The following DNAI4 variants were observed in gnomAD, a reference collection of about 807,000 sequenced individuals.
The protein encoded by DNAI4 is WD repeat domain 78.
Under a neutral mutation model 105.8 loss-of-function variants are expected in DNAI4, and 85 were observed. The observed-to-expected ratio is 0.80, with a 90% CI of 0.67 to 0.96. The LOEUF (loss-of-function observed/expected upper bound fraction) is 0.96. DNAI4 is among the 40% of genes least tolerant of loss of function. The pLI is 0.00. For missense variants in DNAI4, 1,014 were observed against 1,005.6 expected (o/e 1.01, Z -0.11); for synonymous variants, 352 against 331.5 (o/e 1.06, Z -0.67).
intron 1 of DNAI4, among the ~76,000 whole-genome samples, chr1:66,915,155 T>C (rs1649974781): frequency 6.6e-6 from 1 of 152,232 alleles, no homozygotes; most frequent in African/African-American, 2.4e-5. Flanking sequence ...AAGACATTAA[T>C]ATTGGCTTAA....
intron 4 of DNAI4, among the ~76,000 whole-genome samples, chr1:66,885,876 C>G (rs531995600): frequency 6.6e-6 from 1 of 151,890 alleles, no homozygotes; most frequent in African/African-American, 2.4e-5. Context: ...GCTTGGTATT[C>G]TTTTTGTATC....
Position 66,924,810 on chromosome 1 carries a change from C to T in DNAI4, c.22G>A (p.Gly8Arg). Residue 8 changes from glycine (G) to arginine (R), a missense_variant, in exon 1 of 17, where the codon GGA becomes AGA. By Grantham distance (125) the Gly-to-Arg change is moderately radical. Transcript: ENST00000371026. ...CCGTTAGCGGCTCGGGCCGAGGCTC[C>T]GGAATGTTTGCCGGGCGTCATGGCG... MTPGKHS[G>R]ASARAANGGA... 2 of 1,614,064 alleles carry T rather than the reference C, an allele frequency of 1.2e-6. No homozygotes were observed. The highest frequency in any genetic ancestry group is 1.7e-6 in the Non-Finnish European group (2 of 1,179,994).
chr1:66,815,838 C>T (rs1192139280), intron 16 of DNAI4, among the ~76,000 whole-genome samples: 1 of 152,196 alleles, frequency 6.6e-6, no homozygotes, highest in Non-Finnish European at 1.5e-5. Context: ...CAATTGGAAG[C>T]CTTGGATCCC....
At chr1:66,823,112 T>C (rs1018130428) in intron 15 of DNAI4, among the ~76,000 whole-genome samples, 1 of 138,952 alleles carries the variant, frequency 7.2e-6, no homozygotes. Flanking sequence ...CCCGTGTCCA[T>C]GTGTTCTCAT....
chr1:66,827,928 G>T lies in DNAI4; in HGVS notation c.2014-18C>A. On this transcript the variant is annotated intron_variant, in intron 13 of 16. Coordinates refer to ENST00000371026, the MANE Select transcript of DNAI4 (RefSeq NM_024763.5). ...TTTGTGTCCTACAACACAAAACATC[G>T]AAATGCATTGGCTTGTGATACATTA... 6.8e-7 allele frequency: 1 copy of T among 1,469,330 alleles called. No individual in the cohort carries two copies. The highest frequency in any genetic ancestry group is 1.8e-4 in the Middle Eastern group (1 of 5,692). 91.0% of individuals were successfully genotyped at this position (1,469,330 alleles called of 1,614,324 possible).
At chr1:66,840,878 C>A (rs2100480694) in intron 8 of DNAI4, among the ~76,000 whole-genome samples, 1 of 152,324 alleles carries the variant, frequency 6.6e-6, no homozygotes, top group Non-Finnish European at 1.5e-5. Context: ...TCAAAGCCAG[C>A]AGCTTTTCTG....
intron 9 of DNAI4, 144 bp from the exon 10 acceptor site, chr1:66,837,940 T>C: frequency 1.3e-6 from 1 of 766,518 alleles, no homozygotes; most frequent in Non-Finnish European, 2.1e-6. Context: ...GTACACCATC[T>C]GTTTTTACTC....
intron 3 of DNAI4, among the ~76,000 whole-genome samples, chr1:66,892,071 T>C (rs1647701581): frequency 6.6e-6 from 1 of 152,234 alleles, no homozygotes; most frequent in Non-Finnish European, 1.5e-5. Flanking sequence ...AACTAAAATA[T>C]ATGTACTCAG....
chr1:66,821,189 C>T (rs1253688647), intron 16 of DNAI4, among the ~76,000 whole-genome samples: 1 of 149,008 alleles, frequency 6.7e-6, no homozygotes, highest in Non-Finnish European at 1.5e-5. Context: ...ACCTCCCTCT[C>T]CCAGGTTCAA....
intron 4 of DNAI4, among the ~76,000 whole-genome samples, chr1:66,882,403 T>C (rs570740221): frequency 1.3e-5 from 2 of 152,314 alleles, no homozygotes; most frequent in African/African-American, 4.8e-5. Context: ...ATCACACAGA[T>C]TTTTTCCTGA....
intron 16 of DNAI4, among the ~76,000 whole-genome samples, chr1:66,818,286 A>T (rs904861884): frequency 1.2e-4 from 19 of 152,068 alleles, no homozygotes; most frequent in African/African-American, 4.6e-4. Flanking sequence ...TCACATTTAA[A>T]ATTTTTAATT....
chr1:66,864,028 A>T (rs1422019372), intron 6 of DNAI4, among the ~76,000 whole-genome samples: 1 of 152,222 alleles, frequency 6.6e-6, no homozygotes, highest in Admixed American at 6.5e-5. Flanking sequence ...ACTGTTACAT[A>T]AATAAATACG....
chr1:66,911,200 GA>G (rs1378567415), intron 1 of DNAI4, among the ~76,000 whole-genome samples: 2 of 152,172 alleles, frequency 1.3e-5, no homozygotes, highest in Admixed American at 1.3e-4. Context: ...AGAACTCAGA[GA>G]AACACTTACT....
At chr1:66,885,848 T>A (rs1647188163) in intron 4 of DNAI4, among the ~76,000 whole-genome samples, 1 of 152,250 alleles carries the variant, frequency 6.6e-6, no homozygotes, top group African/African-American at 2.4e-5. Context: ...GTTTTTGTTT[T>A]GCTTTGATAT....
intron 6 of DNAI4, 121 bp from the exon 7 acceptor site, chr1:66,862,423 GC>G: frequency 9.6e-7 from 1 of 1,045,812 alleles, no homozygotes; most frequent in Non-Finnish European, 1.4e-6. Context: ...TGATGCAGTT[GC>G]CCGTGCCAGC....
In DNAI4 at chr1:66,847,639, A is replaced by C. The variant is rs1173902932; in HGVS notation, c.1136T>G (p.Ile379Ser). 3.1e-6 allele frequency: 5 copies of C among 1,613,158 alleles called. No individual in the cohort carries two copies. Among genetic ancestry groups the C allele is most frequent in the Non-Finnish European group, 4.2e-6 (5 of 1,179,780 alleles). ...TSSLMDIENVILAKIHEDEED... is the reference protein window; with the variant it reads ...TSSLMDIENVSLAKIHEDEED... Reference sequence around the variant, plus strand: ...CTCATCTTCATGGATTTTTGCCAGAATTACATTTTCTATGTCCATTAGAGA... The same window carrying C: ...CTCATCTTCATGGATTTTTGCCAGACTTACATTTTCTATGTCCATTAGAGA... The change falls in exon 8 of 17, where the codon ATT becomes AGT. Residue 379 changes from isoleucine to serine, a missense_variant. Transcript: ENST00000371026.
intron 1 of DNAI4, among the ~76,000 whole-genome samples, chr1:66,910,352 C>A (rs549871444): frequency 2.0e-5 from 3 of 152,340 alleles, no homozygotes; most frequent in Admixed American, 6.5e-5. Context: ...TACATGCATA[C>A]AGCTAGGCCT....
intron 5 of DNAI4, among the ~76,000 whole-genome samples, chr1:66,873,600 G>T (rs1050053500): frequency 2.0e-5 from 3 of 152,178 alleles, no homozygotes; most frequent in African/African-American, 7.2e-5. Context: ...TTGCTCCAGA[G>T]ATTTGTGTTT....
intron 3 of DNAI4, among the ~76,000 whole-genome samples, chr1:66,891,687 C>T (rs191567795): frequency 1.6e-4 from 24 of 152,360 alleles, no homozygotes; most frequent in African/African-American, 5.5e-4. Flanking sequence ...TGGTCTTGAA[C>T]TCCTGACCTC....
Sources: gnomAD v4.1 joint callset for allele counts (sites outside exome capture counted in the v4.1 genomes callset) on GRCh38, gnomAD v4.1.1 for gene constraint, MANE v1.5 for transcripts, NCBI Gene and HGNC (gene_info 2026-07-23, HGNC 2026-07-21) for gene names.